Variants in JAK1 observed in about 807,000 individuals in gnomAD.
JAK1 encodes the protein tyrosine-protein kinase JAK1.
Under a neutral mutation model 136.6 loss-of-function variants are expected in JAK1, and 16 were observed. The observed-to-expected ratio is 0.12, with a 90% CI of 0.08 to 0.18. The LOEUF (loss-of-function observed/expected upper bound fraction) is 0.18. JAK1 is among the 10% of genes least tolerant of loss of function. The probability of loss-of-function intolerance (pLI) is 1.00; values close to 1 mark genes in which losing one functional copy is unlikely to be tolerated. For missense variants in JAK1, 859 were observed against 1,450.1 expected (o/e 0.59, Z 6.62); for synonymous variants, 492 against 519.5 (o/e 0.95, Z 0.72).
chr1:64,961,214 C>T (rs1646277666), intron 1 of JAK1, among the ~76,000 whole-genome samples: 1 of 152,154 alleles, frequency 6.6e-6, no homozygotes, highest in African/African-American at 2.4e-5. Flanking sequence ...AGGTTTTATT[C>T]CACTGTAAGA....
intron 2 of JAK1, among the ~76,000 whole-genome samples, chr1:65,033,557 C>T (rs766952712): frequency 7.9e-5 from 12 of 151,946 alleles, no homozygotes; most frequent in Non-Finnish European, 1.5e-4. Flanking sequence ...ATTTCATGAA[C>T]AAATTCAGCA....
At chr1:64,978,213 C>T (rs1200768699) in intron 2 of JAK1, among the ~76,000 whole-genome samples, 3 of 151,540 alleles carry the variant, frequency 2.0e-5, no homozygotes, top group South Asian at 2.1e-4. Context: ...AAGAGGCACA[C>T]GTTGCAGTGA....
intron 1 of JAK1, among the ~76,000 whole-genome samples, chr1:64,919,276 T>C (rs1285454166): frequency 2.6e-5 from 4 of 152,226 alleles, no homozygotes; most frequent in African/African-American, 9.6e-5. Context: ...GTTTGGTTTT[T>C]TGTCCTTGCG....
chr1:64,919,949 C>T (rs1324184827), intron 1 of JAK1, among the ~76,000 whole-genome samples: 1 of 151,982 alleles, frequency 6.6e-6, no homozygotes, highest in African/African-American at 2.4e-5. Context: ...CCAGCACCTG[C>T]TAAGCACAGG....
chr1:64,839,343 A>G (rs1272577008), intron 20 of JAK1, among the ~76,000 whole-genome samples: 1 of 152,198 alleles, frequency 6.6e-6, no homozygotes, highest in Non-Finnish European at 1.5e-5. Context: ...AATCAGTTTC[A>G]TAAGGCATAA....
At chr1:64,882,411 G>A (rs1644787291) in intron 3 of JAK1, among the ~76,000 whole-genome samples, 1 of 152,120 alleles carries the variant, frequency 6.6e-6, no homozygotes, top group Non-Finnish European at 1.5e-5. Flanking sequence ...CGAGTTGATA[G>A]AACCTTTTTA....
At chr1:64,971,488 G>A (rs960372720), upstream of JAK1, among the ~76,000 whole-genome samples, 3 of 151,992 alleles carry the variant, frequency 2.0e-5, no homozygotes, top group Non-Finnish European at 4.4e-5. Context: ...AGGGACTACA[G>A]GTGCGTGCCA....
chr1:64,995,175 T>C (rs1646693524), intron 2 of JAK1: 3 of 152,148 alleles, frequency 2.0e-5, no homozygotes, highest in Admixed American at 2.0e-4. Context: ...ATTAACCAAT[T>C]ACACTTAAAG....
chr1:64,938,261 G>A (rs1645827038), intron 1 of JAK1, among the ~76,000 whole-genome samples: 2 of 151,902 alleles, frequency 1.3e-5, no homozygotes, highest in Non-Finnish European at 2.9e-5. Flanking sequence ...CTTTCGTAAA[G>A]AACAACTTTG....
chr1:65,057,975 CAAT>C (rs779767914), intron 1 of JAK1: 7 of 154,194 alleles, frequency 4.5e-5, no homozygotes, highest in Non-Finnish European at 8.7e-5. Flanking sequence ...AGCTGGTCTA[CAAT>C]GATGGACTTT....
At chr1:65,053,465 C>CA (rs1311344560) in intron 1 of JAK1, among the ~76,000 whole-genome samples, 1 of 152,122 alleles carries the variant, frequency 6.6e-6, no homozygotes, top group Non-Finnish European at 1.5e-5. Flanking sequence ...TTTAAAGAAG[C>CA]AATTTTTAAA....
intron 22 of JAK1, among the ~76,000 whole-genome samples, chr1:64,837,332 G>A (rs912101753): frequency 3.3e-5 from 5 of 152,178 alleles, no homozygotes; most frequent in Non-Finnish European, 7.3e-5. Flanking sequence ...ATGCACCTAG[G>A]GGAGTGCTGA....
chr1:65,056,416 C>T (rs557658764), intron 1 of JAK1, among the ~76,000 whole-genome samples: 2 of 152,280 alleles, frequency 1.3e-5, no homozygotes, highest in African/African-American at 4.8e-5. Context: ...CTAAAGGGAA[C>T]TGCAATCACC....
chr1:64,885,723 C>T (rs1424812367), intron 2 of JAK1, among the ~76,000 whole-genome samples: 16 of 151,398 alleles, frequency 1.1e-4, no homozygotes, highest in Admixed American at 1.1e-3. Flanking sequence ...CACTGCACTC[C>T]AGCCTGGTGA....
chr1:64,902,901 T>C (rs1048955761), intron 1 of JAK1, among the ~76,000 whole-genome samples: 2 of 152,178 alleles, frequency 1.3e-5, no homozygotes, highest in Non-Finnish European at 2.9e-5. Flanking sequence ...TGAGTAAGTT[T>C]GGCCAACAGG....
chr1:64,898,115 G>C (rs1232996032), intron 1 of JAK1, among the ~76,000 whole-genome samples: 2 of 152,148 alleles, frequency 1.3e-5, no homozygotes, highest in African/African-American at 4.8e-5. Flanking sequence ...TGAGAAGCTA[G>C]AGGTTTTCTT....
rs567303254 is a variant in JAK1 at position 64,872,366 on chromosome 1, T to G, written c.483+1004A>C. Among the ~76,000 whole-genome samples, 9 of 152,340 alleles carry G rather than the reference T, an allele frequency of 5.9e-5. No homozygotes were observed. The South Asian group carries it at 1.7e-3, about 28-fold the overall frequency. ...CTCTCTTAGAATTGCAGATTCCTTT[T>G]TATTCTTCAGGATTCATTATAAATG... is the stretch of plus-strand genomic sequence containing the variant. On this transcript the variant is annotated intron_variant, in intron 5 of 24. Transcript: ENST00000342505.
At chr1:64,894,489 T>A (rs565470319) in intron 1 of JAK1, among the ~76,000 whole-genome samples, 5 of 152,314 alleles carry the variant, frequency 3.3e-5, no homozygotes, top group South Asian at 2.1e-4. Context: ...CGGGGCACAA[T>A]GGCTCACGCC....
At chr1:64,879,000 G>A (rs1190603624) in intron 4 of JAK1, 25 bp downstream of exon 4, 1 of 1,613,034 alleles carries the variant, frequency 6.2e-7, no homozygotes, top group Non-Finnish European at 8.5e-7. Context: ...GAGCCAGGCA[G>A]GTACCAGGTC....
Sources: gnomAD v4.1 joint callset for allele counts (sites outside exome capture counted in the v4.1 genomes callset) on GRCh38, gnomAD v4.1.1 for gene constraint, MANE v1.5 for transcripts, NCBI Gene and HGNC (gene_info 2026-07-23, HGNC 2026-07-21) for gene names.